The following CNTN4 variants were observed in gnomAD, a reference collection of about 807,000 sequenced individuals.
CNTN4 encodes contactin-4.
In CNTN4, 77 loss-of-function variants were observed where a neutral mutation model predicts 122.5. That is an observed-to-expected ratio of 0.63 (90% CI 0.52 to 0.76). The LOEUF (loss-of-function observed/expected upper bound fraction) is 0.76, where lower values mean the gene tolerates loss of function less well. CNTN4 is among the 30% of genes least tolerant of loss of function. The pLI is 0.00. For missense variants in CNTN4, 1,256 were observed against 1,259.1 expected (o/e 1.00, Z 0.04); for synonymous variants, 512 against 447.0 (o/e 1.15, Z -1.83).
intron 4 of CNTN4, among the ~76,000 whole-genome samples, chr3:2,643,547 T>A (rs1576324523): frequency 6.6e-6 from 1 of 152,186 alleles, no homozygotes; most frequent in East Asian, 1.9e-4. Flanking sequence ...ACTGAGCATG[T>A]ATAGATCTAC....
intron 7 of CNTN4, among the ~76,000 whole-genome samples, chr3:2,821,163 A>C (rs1176882511): frequency 6.6e-6 from 1 of 151,662 alleles, no homozygotes; most frequent in East Asian, 1.9e-4. Flanking sequence ...CACCATGTTG[A>C]CCAGGCTGGT....
chr3:2,174,032 CA>C (rs1383872668), intron 2 of CNTN4, among the ~76,000 whole-genome samples: 1 of 152,104 alleles, frequency 6.6e-6, no homozygotes, highest in Non-Finnish European at 1.5e-5. Flanking sequence ...GCATATTTTA[CA>C]AGCAGCATCA....
chr3:2,876,743 G>A (rs1246765139), intron 8 of CNTN4, among the ~76,000 whole-genome samples: 1 of 152,124 alleles, frequency 6.6e-6, no homozygotes, highest in Non-Finnish European at 1.5e-5. Flanking sequence ...TTTAATAATT[G>A]TCCAGGTTTT....
In CNTN4 at chr3:2,895,241, G is replaced by A. The variant is rs540085280; in HGVS notation, c.941-5444G>A. On this transcript the variant is annotated intron_variant, in intron 10 of 24. Transcript: ENST00000418658. ...TCCACCTGCCTCGGCCTCCCAAAGTGCTGGGATTACAGGCATGAGCCACCA... is the reference window on the plus strand; with the variant it reads ...TCCACCTGCCTCGGCCTCCCAAAGTACTGGGATTACAGGCATGAGCCACCA... 3.3e-5 allele frequency among the ~76,000 whole-genome samples: 5 copies of A among 152,216 alleles called. No individual in the cohort carries two copies. The East Asian group carries it at 9.7e-4, about 29-fold the overall frequency.
chr3:2,892,742 A>T (rs537317880), intron 10 of CNTN4, among the ~76,000 whole-genome samples: 1 of 152,316 alleles, frequency 6.6e-6, no homozygotes, highest in South Asian at 2.1e-4. Context: ...CCATCTTCAT[A>T]ATTAGGAAAT....
chr3:3,026,618 A>C (rs1698744336), intron 15 of CNTN4, among the ~76,000 whole-genome samples: 1 of 152,164 alleles, frequency 6.6e-6, no homozygotes, highest in Admixed American at 6.6e-5. Flanking sequence ...TCTGTGTCAC[A>C]TATCATATCA....
chr3:2,120,558 A>G (rs1387801374), intron 2 of CNTN4, among the ~76,000 whole-genome samples: 1 of 151,080 alleles, frequency 6.6e-6, no homozygotes, highest in Non-Finnish European at 1.5e-5. Context: ...GCACACCACT[A>G]TGCCCAGCTA....
At chr3:2,761,908 G>A (rs1392663152) in intron 6 of CNTN4, among the ~76,000 whole-genome samples, 1 of 152,150 alleles carries the variant, frequency 6.6e-6, no homozygotes, top group Non-Finnish European at 1.5e-5. Context: ...TTGGGCAAAT[G>A]TGCTGTAAAA....
chr3:2,762,920 T>C (rs1224483411), intron 6 of CNTN4, among the ~76,000 whole-genome samples: 1 of 151,050 alleles, frequency 6.6e-6, no homozygotes, highest in Admixed American at 6.6e-5. Flanking sequence ...ATTTTTCTAA[T>C]GATCAGTGAT....
chr3:2,324,257 AGAG>A (rs1160796550), intron 2 of CNTN4, among the ~76,000 whole-genome samples: 2 of 139,000 alleles, frequency 1.4e-5, no homozygotes, highest in African/African-American at 2.6e-5. Flanking sequence ...GTGAGTGGTG[AGAG>A]GAGAAGAATG....
At position 2,765,280 on chromosome 3, in the gene CNTN4, G is replaced by A. The variant is rs183824769; in HGVS notation, c.358+19583G>A. Reference sequence around the variant, plus strand: ...ACTTGTCGTCACTGAGTTTCTGCACGGAGATGAAAGGATGAGATTGAAGAT... The same window carrying A: ...ACTTGTCGTCACTGAGTTTCTGCACAGAGATGAAAGGATGAGATTGAAGAT... On this transcript the variant is annotated intron_variant, in intron 6 of 24. Transcript: ENST00000418658. Among the ~76,000 whole-genome samples, 288 of 151,988 alleles carry A rather than the reference G, an allele frequency of 1.9e-3. 2 individuals are homozygous for A. The highest frequency in any genetic ancestry group is 2.1e-3 in the Non-Finnish European group (140 of 68,030).
intron 3 of CNTN4, among the ~76,000 whole-genome samples, chr3:2,416,016 C>T (rs540110225): frequency 1.3e-5 from 2 of 151,976 alleles, no homozygotes; most frequent in South Asian, 4.2e-4. Context: ...CAATCAATAG[C>T]CATTTAATAA....
intron 7 of CNTN4, among the ~76,000 whole-genome samples, chr3:2,830,078 C>G (rs910459875): frequency 6.6e-6 from 1 of 152,086 alleles, no homozygotes. Flanking sequence ...TCAGGAAATT[C>G]TTTTTCTGTC....
intron 4 of CNTN4, among the ~76,000 whole-genome samples, chr3:2,603,907 T>G (rs1334690881): frequency 2.0e-5 from 3 of 152,210 alleles, no homozygotes; most frequent in African/African-American, 7.2e-5. Flanking sequence ...GTGTGTATGT[T>G]TGACTCACAG....
At chr3:2,352,248 C>T (rs1049552114) in intron 3 of CNTN4, among the ~76,000 whole-genome samples, 10 of 152,262 alleles carry the variant, frequency 6.6e-5, no homozygotes, top group African/African-American at 1.4e-4. Flanking sequence ...TAGCAGCCCT[C>T]GCTCACTGTG....
At chr3:2,331,041 CT>C (rs1318498091) in intron 2 of CNTN4, among the ~76,000 whole-genome samples, 2 of 151,924 alleles carry the variant, frequency 1.3e-5, no homozygotes, top group Admixed American at 6.6e-5. Context: ...ACAATTGTGC[CT>C]TTTTTTGTGA....
At chr3:3,012,874 G>A (rs533914267) in intron 14 of CNTN4, among the ~76,000 whole-genome samples, 15 of 151,814 alleles carry the variant, frequency 9.9e-5, no homozygotes, top group African/African-American at 2.9e-4. Flanking sequence ...AAGCTGAGGC[G>A]AGAGAATTGC....
Position 2,678,560 on chromosome 3 carries a change from C to T in CNTN4, c.56-57655C>T, listed in dbSNP as rs115988895. On this transcript the variant is annotated intron_variant, in intron 4 of 24. Coordinates refer to ENST00000418658, the MANE Select transcript of CNTN4 (RefSeq NM_175607.3). ...GGGGAAGTTGCTTGATGTAAGTGAC[C>T]GGAACCACAAGAAATATTCCCAGTA... Among the ~76,000 whole-genome samples, 642 of 152,172 alleles carry T rather than the reference C, an allele frequency of 4.2e-3. 6 individuals carry two copies. Among genetic ancestry groups the T allele is most frequent in the African/African-American group, 0.015 (609 of 41,516 alleles).
intron 3 of CNTN4, among the ~76,000 whole-genome samples, chr3:2,457,473 C>T (rs1034886002): frequency 2.0e-5 from 3 of 151,994 alleles, no homozygotes; most frequent in African/African-American, 7.2e-5. Flanking sequence ...GTTAAAAATC[C>T]AAACAGTAAA....
Sources: allele counts gnomAD v4.1 joint callset (sites outside exome capture counted in the v4.1 genomes callset), GRCh38; gene constraint gnomAD v4.1.1; transcripts MANE v1.5; gene names NCBI Gene and HGNC (gene_info 2026-07-23, HGNC 2026-07-21).